Variants in RAI1 observed in about 807,000 individuals in gnomAD.
RAI1 encodes the protein retinoic acid-induced protein 1.
In RAI1, 9 loss-of-function variants were observed where a neutral mutation model predicts 123.8. The ratio of observed to expected loss-of-function variants is 0.07; its 90% CI spans 0.04 to 0.13. RAI1 has a LOEUF of 0.13. Among genes scored for constraint, RAI1 ranks in the 10% least tolerant of loss-of-function variants. RAI1 has a pLI of 1.00. For synonymous variants in RAI1, 1,231 were observed against 1,127.3 expected (o/e 1.09, Z -1.84); for missense variants, 2,256 against 2,545.8 (o/e 0.89, Z 2.45).
rs757109352 is a variant in RAI1 at position 17,793,984 on chromosome 17, C to A, written c.1036C>A (p.Pro346Thr). 2 of 1,613,958 alleles carry A rather than the reference C, an allele frequency of 1.2e-6. No homozygotes were observed. The highest frequency in any genetic ancestry group is 8.5e-7 in the Non-Finnish European group (1 of 1,180,018). ...QTFSPSSSHS[P>T]ARSVGRSPSY... ...CTTCAGCCCCAGCTCCAGCCACTCA[C>A]CCGCCCGCTCCGTGGGCCGCTCACC... Residue 346 changes from proline to threonine, a missense_variant, in exon 3 of 6, where the codon CCC becomes ACC. Physicochemically the swap from Pro to Thr is conservative, Grantham distance 38 (BLOSUM62 -1). This residue lies in a region of RAI1 where 357 missense variants were observed against 480.2 expected (regional missense o/e 0.74). Coordinates refer to ENST00000353383, the MANE Select transcript of RAI1 (RefSeq NM_030665.4).
At chr17:17,688,347 A>G (rs1914711166) in intron 1 of RAI1, among the ~76,000 whole-genome samples, 2 of 151,368 alleles carry the variant, frequency 1.3e-5, no homozygotes, top group African/African-American at 2.4e-5. Context: ...AGTCAGGCGT[A>G]GTGTCACATG....
intron 1 of RAI1, among the ~76,000 whole-genome samples, chr17:17,699,632 G>GT (rs1001042374): frequency 1.3e-5 from 2 of 149,826 alleles, no homozygotes; most frequent in Non-Finnish European, 3.0e-5. Context: ...GGGGGGCCGG[G>GT]GGGGGGGGAA....
chr17:17,682,644 C>G (rs1323702215), intron 1 of RAI1: 1 of 152,156 alleles, frequency 6.6e-6, no homozygotes, highest in African/African-American at 2.4e-5. Context: ...ACATTTGGAG[C>G]CTGGTCGCGC....
intron 2 of RAI1, among the ~76,000 whole-genome samples, chr17:17,746,864 A>T (rs1318751137): frequency 6.6e-6 from 1 of 151,364 alleles, no homozygotes; most frequent in Non-Finnish European, 1.5e-5. Context: ...TGAACTCCCG[A>T]CCTTGGGTGA....
Position 17,795,576 on chromosome 17 carries a change from GCTC to G in RAI1, c.2631_2633del (p.Leu878del). On this transcript the variant is annotated inframe_deletion, in exon 3 of 6. Transcript: ENST00000353383. The surrounding 1 kb of genome is among the most constrained non-coding windows in gnomAD (Gnocchi z 5.9). Reference sequence around the variant, plus strand: ...AGGAGGAGTACTCCTCCCTATGTGAGCTCCTGGGCAGCCCCGAGCAGAGGCCTG... The same window carrying G: ...AGGAGGAGTACTCCTCCCTATGTGAGCTGGGCAGCCCCGAGCAGAGGCCTG... The G allele has an allele frequency of 6.2e-7, 1 of 1,611,790 alleles. No homozygotes were observed. Among genetic ancestry groups the G allele is most frequent in the Non-Finnish European group, 8.5e-7 (1 of 1,179,250 alleles).
rs1292611300 is a variant in RAI1, at chr17:17,798,277, T to C, written c.5329T>C (p.Ser1777Pro). 1 of 1,598,750 alleles carries C rather than the reference T, an allele frequency of 6.3e-7. No individual in the cohort carries two copies. The highest frequency in any genetic ancestry group is 1.1e-5 in the South Asian group (1 of 89,624). Residue 1777 changes from serine to proline, a missense_variant, in exon 3 of 6, where the codon TCC becomes CCC. Transcript: ENST00000353383. ...ACTGCGCACCAGTGCCCGGGGCCTG[T>C]CCCGGAGGCTGCAGAGCTGCTACTG... ...GPLRTSARGL[S>P]RRLQSCYCCD...
At chr17:17,713,539 G>T (rs568264443) in intron 1 of RAI1, among the ~76,000 whole-genome samples, 1 of 152,292 alleles carries the variant, frequency 6.6e-6, no homozygotes, top group East Asian at 1.9e-4. Context: ...TACTCAAGAG[G>T]CTGAGGCAGG....
intron 1 of RAI1, among the ~76,000 whole-genome samples, chr17:17,700,431 C>G (rs777682560): frequency 5.9e-5 from 9 of 151,780 alleles, no homozygotes; most frequent in Non-Finnish European, 1.0e-4. Context: ...CCTCGGCGTT[C>G]GCGCGCAGCC....
In RAI1 at chr17:17,809,997, G is replaced by A. The variant is rs767107315; in HGVS notation, c.*16G>A. 5 of 1,546,406 alleles carry A rather than the reference G, an allele frequency of 3.2e-6. No individual in the cohort carries two copies. The Admixed American group carries it at 9.8e-5, about 30-fold the overall frequency. The stretch of plus-strand genomic sequence containing the variant: ...GCTGCCGTAGTAATCCACCCCAACG[G>A]CCGGAGGAGCCGCCGGAGCCCGCCT... On this transcript the variant is annotated 3_prime_UTR_variant, in exon 6 of 6. Transcript: ENST00000353383. The surrounding 1 kb of genome is among the most constrained non-coding windows in gnomAD (Gnocchi z 4.9).
chr17:17,795,155 G>A lies in RAI1; in HGVS notation c.2207G>A (p.Ser736Asn), dbSNP rs762101720. ...TGTTTCCCGGACACAACCGCTGCCA[G>A]CTCAGCGGACAGCGCCAACCCCTTT... ...FDCFPDTTAA[S>N]SADSANPFAW... Residue 736 changes from serine to asparagine, a missense_variant, in exon 3 of 6, where the codon AGC becomes AAC. Physicochemically the swap from Ser to Asn is conservative, Grantham distance 46. This residue lies in a region of RAI1 where 566 missense variants were observed against 616.0 expected (regional missense o/e 0.92). Coordinates refer to ENST00000353383, the MANE Select transcript of RAI1 (RefSeq NM_030665.4). This position sits in a 1 kb window ranked among gnomAD's most constrained non-coding sequence, Gnocchi z 5.9. 2.5e-6 allele frequency: 4 copies of A among 1,614,038 alleles called. No individual in the cohort carries two copies. The highest frequency in any genetic ancestry group is 3.4e-6 in the Non-Finnish European group (4 of 1,180,038).
rs1350058421 is a variant in RAI1, at chr17:17,808,419, T to TTTA, written c.5660-968_5660-966dup. Among the ~76,000 whole-genome samples, 18 of 45,274 alleles carry TTTA rather than the reference T, an allele frequency of 4.0e-4. No individual in the cohort carries two copies. The highest frequency in any genetic ancestry group is 1.1e-3 in the East Asian group (4 of 3,676). 29.7% of individuals were successfully genotyped at this position (45,274 alleles called of 152,430 possible). ...ATTTTATTTTATTTTATTTTATTAT[T>TTTA]TTATTTTATTTTATTTTATTTTATT... On this transcript the variant is annotated intron_variant, in intron 4 of 5. Transcript: ENST00000353383.
intron 2 of RAI1, among the ~76,000 whole-genome samples, chr17:17,761,521 A>G (rs767152479): frequency 1.3e-5 from 2 of 152,102 alleles, no homozygotes; most frequent in Non-Finnish European, 1.5e-5. Context: ...GGGATGGTGG[A>G]AGGGGAAGAG....
intron 3 of RAI1, chr17:17,802,026 C>T (rs1415790710): frequency 4.3e-6 from 2 of 468,784 alleles, no homozygotes; most frequent in East Asian, 6.9e-5. Context: ...CTCTACCTCA[C>T]CCCCCGCCCC....
At chr17:17,776,658 CTTTTTTTT>C (rs3075548) in intron 2 of RAI1, 94 of 59,378 alleles carry the variant, frequency 1.6e-3, no homozygotes, top group African/African-American at 7.0e-3. Context: ...GCCTGGCTCA[CTTTTTTTT>C]TTTTTTTTTT....
intron 2 of RAI1, among the ~76,000 whole-genome samples, chr17:17,727,416 T>TG (rs1916130698): frequency 6.6e-6 from 1 of 152,218 alleles, no homozygotes; most frequent in Non-Finnish European, 1.5e-5. Context: ...AGGCTGACCC[T>TG]GCCCATTTCA....
intron 1 of RAI1, among the ~76,000 whole-genome samples, chr17:17,697,088 G>T (rs969913853): frequency 6.6e-6 from 1 of 152,194 alleles, no homozygotes; most frequent in African/African-American, 2.4e-5. Context: ...CTACTGCCAG[G>T]CCTGTCTCTT....
intron 2 of RAI1, chr17:17,778,497 T>C (rs2031434834): frequency 2.9e-6 from 1 of 339,682 alleles, no homozygotes; most frequent in Non-Finnish European, 5.8e-6. Context: ...TTAAGTAAAC[T>C]GCCCAAGGTC....
chr17:17,773,522 T>G (rs543988968), intron 2 of RAI1, among the ~76,000 whole-genome samples: 27 of 152,286 alleles, frequency 1.8e-4, no homozygotes, highest in African/African-American at 6.5e-4. Context: ...GAAATTCCCT[T>G]TGCCTCCTAG....
At chr17:17,789,472 G>T (rs1177526823) in intron 2 of RAI1, among the ~76,000 whole-genome samples, 4 of 152,212 alleles carry the variant, frequency 2.6e-5, no homozygotes, top group African/African-American at 9.7e-5. Context: ...ACTGCCGAAG[G>T]CCTGTGAGAG....
Sources: allele counts gnomAD v4.1 joint callset (sites outside exome capture counted in the v4.1 genomes callset), GRCh38; gene constraint gnomAD v4.1.1; regional missense constraint gnomAD v4.1.1; non-coding constraint Gnocchi (gnomAD v3.1); transcripts MANE v1.5; gene names NCBI Gene and HGNC (gene_info 2026-07-23, HGNC 2026-07-21).